SPATA17: variants seen among roughly 807,000 people sequenced by gnomAD.
The protein encoded by SPATA17 is spermatogenesis-associated protein 17.
A neutral mutation model predicts 62.2 loss-of-function variants in SPATA17; 53 were observed. The ratio of observed to expected loss-of-function variants is 0.85; its 90% CI spans 0.68 to 1.07. The LOEUF is 1.07. Among genes scored for constraint, SPATA17 ranks in the 50% least tolerant of loss-of-function variants. SPATA17 has a pLI of 0.00. For synonymous variants in SPATA17, 146 were observed against 146.8 expected (o/e 0.99, Z 0.04); for missense variants, 466 against 425.5 (o/e 1.10, Z -0.84).
intron 5 of SPATA17, among the ~76,000 whole-genome samples, chr1:217,733,004 T>C (rs993893850): frequency 2.1e-4 from 32 of 152,054 alleles, no homozygotes; most frequent in Admixed American, 2.6e-4. Flanking sequence ...GATTCAAAAA[T>C]GCCAGAAGCA....
chr1:217,760,956 T>C (rs890033901), intron 6 of SPATA17, among the ~76,000 whole-genome samples: 1 of 152,194 alleles, frequency 6.6e-6, no homozygotes, highest in Non-Finnish European at 1.5e-5. Context: ...CTATTTTTCT[T>C]AGGGCACACA....
intron 10 of SPATA17, among the ~76,000 whole-genome samples, chr1:217,863,081 A>G (rs1675930316): frequency 1.3e-5 from 2 of 151,266 alleles, no homozygotes; most frequent in Non-Finnish European, 2.9e-5. Context: ...CCAAAAATAC[A>G]TTAAGAAATA....
intron 9 of SPATA17, among the ~76,000 whole-genome samples, chr1:217,819,360 A>G (rs1221786246): frequency 1.3e-5 from 2 of 151,802 alleles, no homozygotes; most frequent in Non-Finnish European, 2.9e-5. Context: ...TTATTCCTGC[A>G]GGATCCTTTT....
chr1:217,695,906 C>A (rs1671444485), intron 5 of SPATA17, among the ~76,000 whole-genome samples: 1 of 136,486 alleles, frequency 7.3e-6, no homozygotes, highest in African/African-American at 2.8e-5. Flanking sequence ...AGCTGTCAGA[C>A]AGGGACATTT....
intron 6 of SPATA17, among the ~76,000 whole-genome samples, chr1:217,766,435 C>A (rs746358907): frequency 6.6e-6 from 1 of 151,862 alleles, no homozygotes; most frequent in Non-Finnish European, 1.5e-5. Context: ...TAACACTATA[C>A]CACTTCATAG....
At chr1:217,762,741 G>C (rs1475429464) in intron 6 of SPATA17, among the ~76,000 whole-genome samples, 1 of 152,196 alleles carries the variant, frequency 6.6e-6, no homozygotes, top group Non-Finnish European at 1.5e-5. Flanking sequence ...GGACGCCGAG[G>C]CAGGCAGATC....
intron 6 of SPATA17, among the ~76,000 whole-genome samples, chr1:217,761,881 A>T (rs578183273): frequency 1.3e-5 from 2 of 152,320 alleles, no homozygotes; most frequent in African/African-American, 4.8e-5. Flanking sequence ...CTTTTCTCAC[A>T]TTCATTGAAT....
chr1:217,643,714 CTA>C (rs67666317), intron 1 of SPATA17, among the ~76,000 whole-genome samples: 8,180 of 148,880 alleles, frequency 0.055, 751 homozygotes, highest in African/African-American at 0.19. Flanking sequence ...CTCTCTCTCT[CTA>C]TATATATATA....
At chr1:217,714,955 T>C (rs915178777) in intron 5 of SPATA17, among the ~76,000 whole-genome samples, 9 of 152,146 alleles carry the variant, frequency 5.9e-5, no homozygotes, top group Non-Finnish European at 1.0e-4. Context: ...CTTAATATGG[T>C]AATAAGTATC....
chr1:217,739,983 G>A (rs955065647), intron 5 of SPATA17, among the ~76,000 whole-genome samples: 14 of 151,564 alleles, frequency 9.2e-5, no homozygotes, highest in African/African-American at 3.1e-4. Context: ...CCATTATCTC[G>A]CAGTTTTTGT....
At position 217,868,329 on chromosome 1, in the gene SPATA17, A is replaced by G. The variant is rs1190556561; in HGVS notation, c.*1310A>G. Reference sequence around the variant, plus strand: ...AAGTCAAAGAAGTGAGTTAAAATACATATACTCCTCCTCTTATAATCGGTT... The same window carrying G: ...AAGTCAAAGAAGTGAGTTAAAATACGTATACTCCTCCTCTTATAATCGGTT... On this transcript the variant is annotated 3_prime_UTR_variant, in exon 11 of 11. Transcript: ENST00000366933. The G allele has an allele frequency of 1.3e-5, 2 of 152,184 alleles. No homozygotes were observed. Among genetic ancestry groups the G allele is most frequent in the Non-Finnish European group, 2.9e-5 (2 of 68,036 alleles). The allele number at this position is 152,184 out of a possible 1,614,324, so 9.4% of individuals were successfully genotyped here.
intron 9 of SPATA17, among the ~76,000 whole-genome samples, chr1:217,846,877 A>G (rs1675542970): frequency 6.6e-6 from 1 of 152,062 alleles, no homozygotes; most frequent in Admixed American, 6.6e-5. Flanking sequence ...ATATAACATA[A>G]ATTATTTAGT....
intron 6 of SPATA17, among the ~76,000 whole-genome samples, chr1:217,763,793 C>T (rs1305379193): frequency 1.3e-5 from 2 of 151,976 alleles, no homozygotes; most frequent in African/African-American, 4.8e-5. Flanking sequence ...TAATAGAACT[C>T]GTTAGTGGGT....
At chr1:217,821,755 TC>T (rs1204450820) in intron 9 of SPATA17, among the ~76,000 whole-genome samples, 1 of 152,102 alleles carries the variant, frequency 6.6e-6, no homozygotes, top group African/African-American at 2.4e-5. Context: ...ACTGGTATCC[TC>T]CGATTTTATA....
intron 1 of SPATA17, among the ~76,000 whole-genome samples, chr1:217,637,743 C>CTAAT (rs2102874941): frequency 6.6e-6 from 1 of 152,260 alleles, no homozygotes; most frequent in South Asian, 2.1e-4. Flanking sequence ...TCCCCTGATT[C>CTAAT]TAATTAATTA....
At chr1:217,784,471 C>T (rs1019462899) in intron 8 of SPATA17, among the ~76,000 whole-genome samples, 2 of 152,058 alleles carry the variant, frequency 1.3e-5, no homozygotes, top group Admixed American at 1.3e-4. Flanking sequence ...GTAGTATGAA[C>T]TTTGAAACTA....
At chr1:217,743,907 C>A (rs534208143) in intron 6 of SPATA17, among the ~76,000 whole-genome samples, 2 of 151,986 alleles carry the variant, frequency 1.3e-5, no homozygotes, top group African/African-American at 2.4e-5. Flanking sequence ...CCATGCCTGG[C>A]CTAAAATAGT....
rs10546517 is a variant in SPATA17 at position 217,659,187 on chromosome 1, AACACACACACAC to A, written c.240+8035_240+8046del. On this transcript the variant is annotated intron_variant, in intron 3 of 10. Transcript: ENST00000366933. ...ATTTAAAGGAGACTTTGCCCATCAA[AACACACACACAC>A]ACACACACACACACACACACACACA... is the stretch of plus-strand genomic sequence containing the variant. 1.1e-4 allele frequency among the ~76,000 whole-genome samples: 16 copies of A among 144,550 alleles called. No individual in the cohort carries two copies. The East Asian group carries it at 1.6e-3, about 15-fold the overall frequency. The allele number at this position is 144,550 out of a possible 152,430, so 94.8% of individuals were successfully genotyped here. A position where few individuals can be genotyped will look rare whatever the true frequency, so the allele number is the denominator to read the frequency against.
At chr1:217,735,777 T>G (rs1193684412) in intron 5 of SPATA17, among the ~76,000 whole-genome samples, 1 of 152,076 alleles carries the variant, frequency 6.6e-6, no homozygotes, top group Non-Finnish European at 1.5e-5. Flanking sequence ...ATTATAAAGA[T>G]TCTGTTTTTA....
Sources: allele counts gnomAD v4.1 joint callset (sites outside exome capture counted in the v4.1 genomes callset), GRCh38; gene constraint gnomAD v4.1.1; transcripts MANE v1.5; gene names NCBI Gene and HGNC (gene_info 2026-07-23, HGNC 2026-07-21).